FBN1: variants seen among roughly 807,000 people sequenced by gnomAD.
FBN1 encodes fibrillin 1, also known as fibrillin-1.
Under a neutral mutation model 365.1 loss-of-function variants are expected in FBN1, and 29 were observed. That is an observed-to-expected ratio of 0.08 (90% CI 0.06 to 0.11). The LOEUF is 0.11. Among genes scored for constraint, FBN1 ranks in the 10% least tolerant of loss-of-function variants. The pLI, the probability that FBN1 is intolerant of heterozygous loss-of-function variation, is 1.00. For synonymous variants in FBN1, 1,210 were observed against 1,270.5 expected, an observed-to-expected ratio of 0.95 and a Z score of 1.01; for missense variants, 2,476 against 3,703.2, an observed-to-expected ratio of 0.67 and a Z score of 8.60.
intron 48 of FBN1, 114 bp from the exon 49 acceptor site, chr15:48,444,774 G>T: frequency 8.4e-7 from 1 of 1,196,058 alleles, no homozygotes. Context: ...GCAAATTAAA[G>T]TTCATAAAAT....
chr15:48,637,803 A>G (rs1890121338), intron 2 of FBN1, among the ~76,000 whole-genome samples: 1 of 152,346 alleles, frequency 6.6e-6, no homozygotes, highest in East Asian at 1.9e-4. Flanking sequence ...CCTAGTAGAC[A>G]GTCACTTTTT....
At chr15:48,435,772 ATGTG>A (rs374043226) in intron 53 of FBN1, among the ~76,000 whole-genome samples, 149 of 106,342 alleles carry the variant, frequency 1.4e-3, no homozygotes, top group African/African-American at 5.0e-3. Flanking sequence ...ATATGTGTAT[ATGTG>A]TGTGTGTGTG....
At chr15:48,428,617 C>T in intron 56 of FBN1, 146 bp from the exon 57 acceptor site, 1 of 844,112 alleles carries the variant, frequency 1.2e-6, no homozygotes, top group Non-Finnish European at 2.0e-6. Flanking sequence ...CCTTCCCTCC[C>T]TCTCACCTTC....
At chr15:48,484,066 A>C in intron 30 of FBN1, 123 bp from the exon 31 acceptor site, 1 of 963,934 alleles carries the variant, frequency 1.0e-6, no homozygotes, top group Non-Finnish European at 1.6e-6. Flanking sequence ...TAACTCTCAA[A>C]TCCAAATGAA....
chr15:48,522,416 C>A (rs923014300), intron 9 of FBN1, among the ~76,000 whole-genome samples: 2 of 152,050 alleles, frequency 1.3e-5, no homozygotes, highest in Non-Finnish European at 2.9e-5. Flanking sequence ...ATCCTCTTCT[C>A]CCAGTCCATG....
At chr15:48,598,258 G>A (rs2044531060) in intron 5 of FBN1, among the ~76,000 whole-genome samples, 1 of 152,178 alleles carries the variant, frequency 6.6e-6, no homozygotes, top group South Asian at 2.1e-4. Context: ...AGGTCCCTGT[G>A]TTCCAGTTCC....
In FBN1 at chr15:48,520,946, C is replaced by T. The variant is rs114843029; in HGVS notation, c.989-129G>A. 713 of 1,263,752 alleles carry T rather than the reference C, an allele frequency of 5.6e-4. 5 individuals are homozygous for T. The African/African-American group carries it at 9.4e-3, about 17-fold the overall frequency. 78.3% of individuals were successfully genotyped at this position (1,263,752 alleles called of 1,614,324 possible). ...AGGATTAACTCACACCTCTGCCCCC[C>T]GGAAGGGAAGCTGCGAGCGCTGCAC... On this transcript the variant is annotated intron_variant, in intron 9 of 65. Transcript: ENST00000316623.
chr15:48,487,539 T>C, intron 27 of FBN1, 102 bp from the exon 28 acceptor site: 5 of 1,516,654 alleles, frequency 3.3e-6, no homozygotes, highest in Non-Finnish European at 4.5e-6. Flanking sequence ...CTTGACCTCC[T>C]TGTCTCAAGG....
chr15:48,448,594 T>C (rs1375521020), intron 46 of FBN1, among the ~76,000 whole-genome samples, 174 bp downstream of exon 46: 1 of 152,226 alleles, frequency 6.6e-6, no homozygotes, highest in Admixed American at 6.5e-5. Context: ...AGGTTTATCA[T>C]GTTCAGATTG....
In FBN1 at chr15:48,503,159, G is replaced by A. The variant is rs143742575; in HGVS notation, c.2113+628C>T. Among the ~76,000 whole-genome samples, 2,567 of 151,924 alleles carry A rather than the reference G, an allele frequency of 0.017. 210 individuals carry two copies. The East Asian group carries it at 0.24, about 14-fold the overall frequency. Reference sequence around the variant, plus strand: ...CTAAAAATACAAAAATTAGCCGGGCGTGGTGGCGCACACGTGTAATCCCAG... The same window carrying A: ...CTAAAAATACAAAAATTAGCCGGGCATGGTGGCGCACACGTGTAATCCCAG... On this transcript the variant is annotated intron_variant, in intron 17 of 65. Transcript: ENST00000316623.
chr15:48,606,788 T>C (rs2044615016), intron 4 of FBN1, among the ~76,000 whole-genome samples: 1 of 152,264 alleles, frequency 6.6e-6, no homozygotes, highest in Non-Finnish European at 1.5e-5. Flanking sequence ...ATGGTTGGAA[T>C]GTTCCTTCCA....
chr15:48,553,996 G>C (rs1245800406), intron 6 of FBN1, among the ~76,000 whole-genome samples: 1 of 152,132 alleles, frequency 6.6e-6, no homozygotes, highest in Non-Finnish European at 1.5e-5. Flanking sequence ...TTATAAAGAA[G>C]GAAACTGAGG....
chr15:48,565,562 A>G (rs936672207), intron 6 of FBN1, among the ~76,000 whole-genome samples: 2 of 152,034 alleles, frequency 1.3e-5, no homozygotes, highest in Non-Finnish European at 2.9e-5. Context: ...CCACCAAGTA[A>G]AATATTGTGC....
intron 53 of FBN1, among the ~76,000 whole-genome samples, chr15:48,435,782 G>GTATATATATGTATATA (rs1178694998): frequency 9.9e-5 from 7 of 70,486 alleles, no homozygotes; most frequent in South Asian, 5.3e-4. Flanking sequence ...ATGTGTGTGT[G>GTATATATATGTATATA]TGTGTGTGTG....
chr15:48,475,115 A>T (rs2043408923), intron 32 of FBN1, among the ~76,000 whole-genome samples: 1 of 151,924 alleles, frequency 6.6e-6, no homozygotes, highest in African/African-American at 2.4e-5. Context: ...TCTATATATA[A>T]AATATATTTT....
At position 48,474,559 on chromosome 15, in the gene FBN1, G is replaced by A. The variant is rs766969494; in HGVS notation, c.4056C>T (p.Pro1352=). Residue 1352 remains proline (P), a synonymous_variant, in exon 33 of 66, where the codon CCC becomes CCT. Transcript: ENST00000316623. The part of the protein sequence containing the change: ...TAGSFKCSCS[P]GWIGDGIKCT... ...ACTTAATGCCATCTCCAATCCACCC[G>A]GGACTGCAGCTACATTTGAAGCTTC... The A allele has an allele frequency of 5.6e-6, 9 of 1,613,966 alleles. No individual in the cohort carries two copies. The highest frequency in any genetic ancestry group is 5.3e-5 in the African/African-American group (4 of 74,908).
intron 6 of FBN1, among the ~76,000 whole-genome samples, chr15:48,555,303 C>A (rs1400128466): frequency 6.6e-6 from 1 of 152,164 alleles, no homozygotes. Flanking sequence ...GAGCTTCTAA[C>A]GCTCTGATTC....
At chr15:48,527,100 C>T (rs1348115830) in intron 8 of FBN1, among the ~76,000 whole-genome samples, 1 of 152,220 alleles carries the variant, frequency 6.6e-6, no homozygotes, top group East Asian at 1.9e-4. Flanking sequence ...TGATGGGCTG[C>T]ACCCCAGCTT....
At chr15:48,529,329 ATCTCT>A (rs2141347212) in intron 8 of FBN1, 1 of 152,560 alleles carries the variant, frequency 6.6e-6, no homozygotes, top group African/African-American at 2.4e-5. Flanking sequence ...CAAATGGCAG[ATCTCT>A]TCCTTCCTTA....
Sources: allele counts gnomAD v4.1 joint callset (sites outside exome capture counted in the v4.1 genomes callset), GRCh38; gene constraint gnomAD v4.1.1; transcripts MANE v1.5; gene names NCBI Gene and HGNC (gene_info 2026-07-23, HGNC 2026-07-21).